CDH26: variants seen among roughly 807,000 people sequenced by gnomAD.
CDH26 encodes the protein cadherin-like protein 26.
In CDH26, 83 loss-of-function variants were observed where a neutral mutation model predicts 90.3. That is an observed-to-expected ratio of 0.92 (90% CI 0.77 to 1.10). The LOEUF (loss-of-function observed/expected upper bound fraction) is 1.10. CDH26 is among the 50% of genes least tolerant of loss of function. CDH26 has a pLI of 0.00. For synonymous variants in CDH26, 397 were observed against 396.3 expected (o/e 1.00, Z -0.02); for missense variants, 1,013 against 1,037.6 (o/e 0.98, Z 0.33).
At chr20:59,990,448 T>C (rs2061514377) in intron 9 of CDH26, among the ~76,000 whole-genome samples, 1 of 152,188 alleles carries the variant, frequency 6.6e-6, no homozygotes, top group Non-Finnish European at 1.5e-5. Context: ...CCAGCTTCAC[T>C]CATTTCTCGT....
chr20:59,976,046 C>A (rs775988205), intron 4 of CDH26, among the ~76,000 whole-genome samples: 2 of 152,080 alleles, frequency 1.3e-5, no homozygotes, highest in Non-Finnish European at 2.9e-5. Context: ...TACAAAGCTA[C>A]CCCAAAACCC....
At position 59,983,755 on chromosome 20, in the gene CDH26, A is replaced by G. The variant is rs1308895356; in HGVS notation, c.541+685A>G. Among the ~76,000 whole-genome samples, 3 of 152,200 alleles carry G rather than the reference A, an allele frequency of 2.0e-5. No homozygotes were observed. In the East Asian group the frequency reaches 5.8e-4, roughly 29 times the overall value. ...ATACATACATTTTTTCATCTTTATC[A>G]TAGTACACATTGTATATGCGTATAT... On this transcript the variant is annotated intron_variant, in intron 5 of 17. Transcript: ENST00000348616.
chr20:59,971,890 C>T (rs1031823212), intron 3 of CDH26, 72 bp from the exon 4 acceptor site: 19 of 1,285,116 alleles, frequency 1.5e-5, no homozygotes, highest in Non-Finnish European at 1.2e-5. Flanking sequence ...GATTCTTAGC[C>T]TTGATACTTG....
chr20:60,026,918 T>G (rs1445836204), intron 7 of CDH26, among the ~76,000 whole-genome samples: 1 of 152,202 alleles, frequency 6.6e-6, no homozygotes, highest in East Asian at 1.9e-4. Context: ...TGGAACAGTG[T>G]CTGGAACAGC....
In CDH26 at chr20:59,981,026, A is replaced by G. The variant is rs558132523; in HGVS notation, c.394-1897A>G. 1.1e-4 allele frequency among the ~76,000 whole-genome samples: 16 copies of G among 152,272 alleles called. No individual in the cohort carries two copies. In the South Asian group the frequency reaches 3.3e-3, roughly 32 times the overall value. On this transcript the variant is annotated intron_variant, in intron 4 of 17. Transcript: ENST00000348616. ...AAAGGCTAGCCTTTGTATTATTCTC[A>G]AAAATCAATCAACCATACTTGTGTG...
rs762497452 is a variant in CDH26 at position 59,984,768 on chromosome 20, G to T, written c.671G>T (p.Ser224Ile). The T allele has an allele frequency of 3.1e-6, 5 of 1,612,992 alleles. No individual in the cohort carries two copies. Among genetic ancestry groups the T allele is most frequent in the Non-Finnish European group, 4.2e-6 (5 of 1,179,746 alleles). The part of the protein sequence containing the change: ...KESGFRVDRL[S>I]GEIRLSGCLD... ...AGTGGTTTCCGGGTTGATCGCCTTA[G>T]TGGAGAAATACGACTCTCTGGCTGC... Residue 224 changes from serine to isoleucine, a missense_variant, in exon 6 of 18, where the codon AGT becomes ATT. By Grantham distance (142) the Ser-to-Ile change is moderately radical. Transcript: ENST00000348616.
rs1255182195 is a variant in CDH26, at chr20:60,012,725, T to C, written c.2494T>C (p.Ser832Pro). The stretch of plus-strand genomic sequence containing the variant: ...AATATATTCAGAGTCAGGTGTTCCT[T>C]CCTAAAAAAAAAAGTCTATTTTGGA... ...EEIYSESGVPS is the reference protein window; with the variant it reads ...EEIYSESGVPP Residue 832 changes from serine to proline, a missense_variant, in exon 18 of 18, where the codon TCC (serine) becomes CCC (proline). By Grantham distance (74) the Ser-to-Pro change is moderately conservative (BLOSUM62 -1). Transcript: ENST00000348616. 1 of 1,608,032 alleles carries C rather than the reference T, an allele frequency of 6.2e-7. No individual in the cohort carries two copies. Among genetic ancestry groups the C allele is most frequent in the Non-Finnish European group, 8.5e-7 (1 of 1,178,398 alleles).
chr20:60,006,960 C>T (rs6071082), intron 17 of CDH26, among the ~76,000 whole-genome samples, 173 bp downstream of exon 17: 2,472 of 152,286 alleles, frequency 0.016, 39 homozygotes, highest in Non-Finnish European at 0.026. Context: ...TATATTGCCT[C>T]ATGTTTCTGC....
At chr20:59,959,364 T>C (rs1243711596) in intron 1 of CDH26, among the ~76,000 whole-genome samples, 2 of 151,862 alleles carry the variant, frequency 1.3e-5, no homozygotes, top group South Asian at 2.1e-4. Context: ...CCTTCCGAAG[T>C]GTTGGGTTTA....
In CDH26 at chr20:59,988,884, T is replaced by G. The variant is rs1464268666; in HGVS notation, c.1024-20T>G. On this transcript the variant is annotated intron_variant, in intron 8 of 17. Transcript: ENST00000348616. ...AGAGGAGCAGCAGGTGCTAATGAAA[T>G]CCTCTCTCTGGGGTTCCAGCCTTTG... 2.5e-6 allele frequency: 4 copies of G among 1,609,462 alleles called. No individual in the cohort carries two copies. The highest frequency in any genetic ancestry group is 2.5e-6 in the Non-Finnish European group (3 of 1,176,586).
intron 7 of CDH26, among the ~76,000 whole-genome samples, chr20:60,023,797 G>C (rs888577307): frequency 6.6e-6 from 1 of 152,176 alleles, no homozygotes; most frequent in Admixed American, 6.5e-5. Context: ...TATATCAGTC[G>C]TAGAAATGGT....
In CDH26 at chr20:59,958,522, A is replaced by G; in HGVS notation, c.-205A>G. On this transcript the variant is annotated 5_prime_UTR_variant, in exon 1 of 18. Coordinates refer to ENST00000348616, the MANE Select transcript of CDH26 (RefSeq NM_177980.4). Reference sequence around the variant, plus strand: ...TGGCAAACGTATGTTCAAGCTTACAAGTCAGCCCACCCCACTCTGATAAAT... The same window carrying G: ...TGGCAAACGTATGTTCAAGCTTACAGGTCAGCCCACCCCACTCTGATAAAT... The G allele has an allele frequency of 3.2e-6, 2 of 620,014 alleles. No homozygotes were observed. The highest frequency in any genetic ancestry group is 5.8e-6 in the Non-Finnish European group (2 of 344,384). The allele number at this position is 620,014 out of a possible 1,614,324, so 38.4% of individuals were successfully genotyped here. A position where few individuals can be genotyped will look rare whatever the true frequency, so the allele number is the denominator to read the frequency against.
At chr20:60,004,155 G>C (rs995686333) in intron 16 of CDH26, among the ~76,000 whole-genome samples, 1 of 152,162 alleles carries the variant, frequency 6.6e-6, no homozygotes, top group Non-Finnish European at 1.5e-5. Flanking sequence ...TGCTTGTAGT[G>C]GTCCACACCT....
At chr20:60,028,662 G>T (rs2062016853) in intron 7 of CDH26, among the ~76,000 whole-genome samples, 1 of 152,200 alleles carries the variant, frequency 6.6e-6, no homozygotes, top group Non-Finnish European at 1.5e-5. Context: ...TGGCCTGTGA[G>T]GATAGCGTGT....
chr20:59,967,889 CTTCCTTCCTTCCTTCCTTCCTTTCCT>C lies in CDH26; in HGVS notation c.70-1071_70-1046del, dbSNP rs1291297513. Among the ~76,000 whole-genome samples, 24 of 121,506 alleles carry C rather than the reference CTTCCTTCCTTCCTTCCTTCCTTTCCT, an allele frequency of 2.0e-4. 2 individuals are homozygous for C. Among genetic ancestry groups the C allele is most frequent in the African/African-American group, 9.7e-4 (23 of 23,736 alleles). 79.7% of individuals were successfully genotyped at this position (121,506 alleles called of 152,430 possible). A position where few individuals can be genotyped will look rare whatever the true frequency, so the allele number is the denominator to read the frequency against. On this transcript the variant is annotated intron_variant, in intron 1 of 17. Transcript: ENST00000348616. ...TCTTTCTTTCTTTCTTCCTTCCTTCCTTCCTTCCTTCCTTCCTTCCTTTCCTTTCCTTTCCTTTCCTTTCCCTTTCT... is the reference window on the plus strand; with the variant it reads ...TCTTTCTTTCTTTCTTCCTTCCTTCCTTCCTTTCCTTTCCTTTCCCTTTCT...
intron 1 of CDH26, among the ~76,000 whole-genome samples, chr20:59,959,724 C>T (rs752905584): frequency 8.5e-5 from 13 of 152,120 alleles, no homozygotes; most frequent in Non-Finnish European, 1.8e-4. Flanking sequence ...TACTTCTGTT[C>T]ACACTTTACA....
At chr20:59,968,020 TC>T (rs1437875396) in intron 1 of CDH26, among the ~76,000 whole-genome samples, 59 of 124,600 alleles carry the variant, frequency 4.7e-4, no homozygotes, top group African/African-American at 2.4e-3. Context: ...TCTTCCTTTC[TC>T]TCTGTCTCTC....
intron 1 of CDH26, among the ~76,000 whole-genome samples, chr20:59,960,283 C>A (rs746084380): frequency 6.6e-6 from 1 of 152,060 alleles, no homozygotes; most frequent in Non-Finnish European, 1.5e-5. Flanking sequence ...GAAAATGGAG[C>A]TAGTAACTGA....
chr20:60,021,916 A>ATATATATATATATATATATATC (rs1261005381), intron 7 of CDH26, among the ~76,000 whole-genome samples: 1,325 of 95,310 alleles, frequency 0.014, 130 homozygotes, highest in Non-Finnish European at 0.024. Context: ...ATATATATAT[A>ATATATATATATATATATATATC]TCCTGACTAT....
Sources: gnomAD v4.1 joint callset for allele counts (sites outside exome capture counted in the v4.1 genomes callset) on GRCh38, gnomAD v4.1.1 for gene constraint, MANE v1.5 for transcripts, NCBI Gene and HGNC (gene_info 2026-07-23, HGNC 2026-07-21) for gene names.